HTRA1: variants seen among roughly 807,000 people sequenced by gnomAD.
HTRA1 encodes the protein HtrA serine peptidase 1.
A neutral mutation model predicts 49.7 loss-of-function variants in HTRA1; 26 were observed. The observed-to-expected ratio is 0.52, with a 90% confidence interval of 0.38 to 0.73. The LOEUF (loss-of-function observed/expected upper bound fraction) is 0.73. HTRA1 is among the 30% of genes least tolerant of loss of function. The pLI is 0.00. For missense variants in HTRA1, 561 were observed against 667.2 expected (o/e 0.84, Z 1.75); for synonymous variants, 291 against 286.9 (o/e 1.01, Z -0.14).
intron 1 of HTRA1, among the ~76,000 whole-genome samples, chr10:122,475,936 G>T (rs970700201): frequency 3.9e-5 from 6 of 152,300 alleles, no homozygotes; most frequent in Non-Finnish European, 8.8e-5. Context: ...TTAATGGAGC[G>T]GGCCAGACAG....
At chr10:122,514,140 G>C in intron 8 of HTRA1, 51 bp from the exon 9 acceptor site, 2 of 1,570,484 alleles carry the variant, frequency 1.3e-6, no homozygotes, top group East Asian at 4.5e-5. Flanking sequence ...AGTCAGACCA[G>C]GAGGAATGGA....
intron 3 of HTRA1, among the ~76,000 whole-genome samples, chr10:122,497,185 G>C (rs1284104196): frequency 1.3e-5 from 2 of 152,092 alleles, no homozygotes; most frequent in African/African-American, 4.8e-5. Flanking sequence ...TCTGATAATG[G>C]GAACATGTGA....
chr10:122,475,511 G>C (rs2097488048), intron 1 of HTRA1, among the ~76,000 whole-genome samples: 1 of 152,212 alleles, frequency 6.6e-6, no homozygotes, highest in South Asian at 2.1e-4. Context: ...TCAAATTTTA[G>C]CCTTTTTAAA....
At chr10:122,505,258 C>G (rs1486010057) in intron 3 of HTRA1, among the ~76,000 whole-genome samples, 2 of 152,286 alleles carry the variant, frequency 1.3e-5, no homozygotes, top group Middle Eastern at 3.4e-3. Flanking sequence ...GGACAGTGCT[C>G]TCCTGGTCCT....
At chr10:122,475,625 G>C (rs2097488113) in intron 1 of HTRA1, among the ~76,000 whole-genome samples, 1 of 152,238 alleles carries the variant, frequency 6.6e-6, no homozygotes, top group South Asian at 2.1e-4. Flanking sequence ...GGCCCTGATG[G>C]TGCATAGGGT....
chr10:122,474,769 T>C (rs555021998), intron 1 of HTRA1, among the ~76,000 whole-genome samples: 9 of 151,310 alleles, frequency 5.9e-5, no homozygotes, highest in African/African-American at 2.2e-4. Context: ...AAAAAAAAAA[T>C]GTGCAGTGGA....
intron 3 of HTRA1, among the ~76,000 whole-genome samples, chr10:122,497,765 T>C (rs1303958339): frequency 1.3e-5 from 2 of 152,266 alleles, no homozygotes; most frequent in South Asian, 2.1e-4. Flanking sequence ...CATTCTTTCA[T>C]TTATTTACTT....
At chr10:122,508,843 G>C (rs1273343663) in intron 6 of HTRA1, 73 bp downstream of exon 6, 1 of 936,296 alleles carries the variant, frequency 1.1e-6, no homozygotes, top group South Asian at 1.3e-5. Context: ...TGGGACTTGG[G>C]GAAGGGAAAA....
At position 122,488,945 on chromosome 10, in the gene HTRA1, C is replaced by A. The variant is rs747513040; in HGVS notation, c.516C>A (p.Ile172=). ...GTTTGCGCCATAAATATAACTTTAT[C>A]GCGGACGTGGTGGAGAAGATCGCCC... The part of the protein sequence containing the change: ...PNSLRHKYNF[I]ADVVEKIAPA... Residue 172 remains isoleucine, a synonymous_variant, in exon 2 of 9, where the codon ATC becomes ATA. Coordinates refer to ENST00000368984, the MANE Select transcript of HTRA1 (RefSeq NM_002775.5). 2.8e-5 allele frequency: 45 copies of A among 1,614,030 alleles called. No individual in the cohort carries two copies. The highest frequency in any genetic ancestry group is 3.6e-5 in the Non-Finnish European group (42 of 1,180,000).
In HTRA1 at chr10:122,461,988, C is replaced by T; in HGVS notation, c.336C>T (p.Cys112=). 6.6e-7 allele frequency: 1 copy of T among 1,525,976 alleles called. No individual in the cohort carries two copies. Among genetic ancestry groups the T allele is most frequent in the Non-Finnish European group, 8.7e-7 (1 of 1,143,072 alleles). The allele number at this position is 1,525,976 out of a possible 1,614,324, so 94.5% of individuals were successfully genotyped here. ...GCGCGCAGGCCGGCCTCTGTGTGTG[C>T]GCCAGCAGCGAGCCGGTGTGCGGCA... The part of the protein sequence containing the change: ...RRRAQAGLCV[C]ASSEPVCGSD... Residue 112 remains cysteine, a synonymous_variant, in exon 1 of 9, where the codon TGC becomes TGT. Transcript: ENST00000368984.
At chr10:122,502,958 C>G (rs1298798050) in intron 3 of HTRA1, among the ~76,000 whole-genome samples, 1 of 152,222 alleles carries the variant, frequency 6.6e-6, no homozygotes, top group African/African-American at 2.4e-5. Flanking sequence ...TTCCCTCTGG[C>G]CTTTTCATCC....
intron 1 of HTRA1, among the ~76,000 whole-genome samples, chr10:122,480,248 C>T (rs1488425874): frequency 1.3e-5 from 2 of 151,892 alleles, no homozygotes. Context: ...GTGGCTGGCC[C>T]CACGGGGAAC....
intron 1 of HTRA1, among the ~76,000 whole-genome samples, chr10:122,468,330 T>G (rs1046716170): frequency 1.3e-5 from 2 of 152,140 alleles, no homozygotes; most frequent in Non-Finnish European, 2.9e-5. Flanking sequence ...TGGAAGGACC[T>G]CCTTATATGA....
chr10:122,507,250 C>G (rs1207351839), intron 4 of HTRA1, 120 bp from the exon 5 acceptor site: 1 of 830,848 alleles, frequency 1.2e-6, no homozygotes, highest in East Asian at 2.4e-5. Context: ...GGGAATGAAT[C>G]TCAGAGAAGA....
intron 3 of HTRA1, among the ~76,000 whole-genome samples, chr10:122,497,080 G>A (rs1205007168): frequency 3.3e-5 from 5 of 152,146 alleles, no homozygotes; most frequent in Non-Finnish European, 1.5e-5. Flanking sequence ...TCTTTCTGTG[G>A]CAAGAGAGAA....
chr10:122,509,665 C>T (rs2097504718), intron 6 of HTRA1, among the ~76,000 whole-genome samples: 1 of 152,158 alleles, frequency 6.6e-6, no homozygotes, highest in Admixed American at 6.5e-5. Context: ...ACTGAAAGGA[C>T]ACTCTGATGG....
intron 1 of HTRA1, among the ~76,000 whole-genome samples, chr10:122,486,707 G>C (rs2097493228): frequency 6.6e-6 from 1 of 152,052 alleles, no homozygotes; most frequent in South Asian, 2.1e-4. Context: ...CTAGAGCCTG[G>C]GGAAGGGTTG....
intron 3 of HTRA1, among the ~76,000 whole-genome samples, chr10:122,502,129 T>G (rs907636365): frequency 6.6e-6 from 1 of 152,044 alleles, no homozygotes; most frequent in African/African-American, 2.4e-5. Flanking sequence ...TTCTTACTGC[T>G]CTGTGTCCTG....
chr10:122,491,594 G>C (rs1041469818), intron 3 of HTRA1, among the ~76,000 whole-genome samples: 1 of 152,262 alleles, frequency 6.6e-6, no homozygotes, highest in Admixed American at 6.5e-5. Flanking sequence ...GCTGCTTCTG[G>C]CCGGGGGATA....
Sources: allele counts gnomAD v4.1 joint callset (sites outside exome capture counted in the v4.1 genomes callset), GRCh38; gene constraint gnomAD v4.1.1; transcripts MANE v1.5; gene names NCBI Gene and HGNC (gene_info 2026-07-23, HGNC 2026-07-21).